The following DZIP3 variants were observed in gnomAD, a reference collection of about 807,000 sequenced individuals.
DZIP3 encodes the protein DAZ interacting zinc finger protein 3.
In DZIP3, 118 loss-of-function variants were observed where a neutral mutation model predicts 162.0. The observed-to-expected ratio is 0.73, with a 90% confidence interval of 0.63 to 0.85. The LOEUF is 0.85. DZIP3 is among the 40% of genes least tolerant of loss of function. The pLI, the probability that DZIP3 is intolerant of heterozygous loss-of-function variation, is 0.00. For synonymous variants in DZIP3, 438 were observed against 458.6 expected (o/e 0.96, Z 0.57); for missense variants, 1,331 against 1,407.0 (o/e 0.95, Z 0.86).
chr3:108,673,488 T>G (rs1175928739), intron 23 of DZIP3, among the ~76,000 whole-genome samples: 1 of 152,000 alleles, frequency 6.6e-6, no homozygotes, highest in East Asian at 1.9e-4. Flanking sequence ...TAATACTTAA[T>G]GCTGTCCAAC....
At chr3:108,672,493 C>T (rs1215951809) in intron 22 of DZIP3, 67 bp from the exon 23 acceptor site, 2 of 1,295,556 alleles carry the variant, frequency 1.5e-6, no homozygotes, top group Non-Finnish European at 2.2e-6. Context: ...CTTTCTTCCT[C>T]CTGAATTAGA....
intron 28 of DZIP3, 53 bp from the exon 29 acceptor site, chr3:108,687,923 A>G (rs527648666): frequency 2.9e-5 from 47 of 1,610,338 alleles, no homozygotes; most frequent in Non-Finnish European, 3.9e-5. Context: ...GTACATCCTC[A>G]AAGGTACTAA....
At position 108,632,865 on chromosome 3, in the gene DZIP3, T is replaced by C. The variant is rs201156049; in HGVS notation, c.697-88T>C. On this transcript the variant is annotated intron_variant, in intron 8 of 32. Transcript: ENST00000361582. Reference sequence around the variant, plus strand: ...CGAAAAGGGATATGATATGGACATATTACCAAGGTAAAACATGGGTAGTCT... The same window carrying C: ...CGAAAAGGGATATGATATGGACATACTACCAAGGTAAAACATGGGTAGTCT... 1.4e-5 allele frequency: 10 copies of C among 733,558 alleles called. No homozygotes were observed. The East Asian group carries it at 2.1e-4, about 15-fold the overall frequency. The allele number at this position is 733,558 out of a possible 1,614,324, so 45.4% of individuals were successfully genotyped here.
At chr3:108,605,503 C>T (rs191080237) in intron 2 of DZIP3, 65 bp downstream of exon 2, 143 of 1,536,886 alleles carry the variant, frequency 9.3e-5, no homozygotes, top group Non-Finnish European at 1.1e-4. Flanking sequence ...AATTTTTCCA[C>T]GGATGGTGGG....
chr3:108,637,402 CATT>C, intron 11 of DZIP3, 91 bp from the exon 12 acceptor site: 1 of 1,106,474 alleles, frequency 9.0e-7, no homozygotes, highest in Non-Finnish European at 1.4e-6. Context: ...GCTTCACTCT[CATT>C]GTATGTTTCA....
At chr3:108,657,557 G>C (rs535147588) in intron 19 of DZIP3, among the ~76,000 whole-genome samples, 1 of 152,090 alleles carries the variant, frequency 6.6e-6, no homozygotes, top group African/African-American at 2.4e-5. Flanking sequence ...AAAGACCATC[G>C]AGGCTAGGAA....
chr3:108,673,991 T>A, intron 23 of DZIP3, 87 bp from the exon 24 acceptor site: 1 of 1,059,306 alleles, frequency 9.4e-7, no homozygotes, highest in Non-Finnish European at 1.4e-6. Flanking sequence ...GAGAAATAGC[T>A]TTAAATTTAC....
intron 10 of DZIP3, 52 bp downstream of exon 10, chr3:108,635,024 C>T: frequency 1.9e-6 from 2 of 1,064,784 alleles, no homozygotes; most frequent in Non-Finnish European, 2.8e-6. Flanking sequence ...CTACCCTTTC[C>T]TCTTTTGTTC....
intron 19 of DZIP3, 104 bp downstream of exon 19, chr3:108,654,414 T>G (rs768007419): frequency 1.6e-6 from 2 of 1,253,988 alleles, no homozygotes; most frequent in Non-Finnish European, 1.2e-6. Context: ...TGGTTTATAC[T>G]GTTTGTGAGG....
intron 1 of DZIP3, chr3:108,602,721 A>G (rs1261946723): frequency 6.6e-6 from 1 of 152,150 alleles, no homozygotes; most frequent in Non-Finnish European, 1.5e-5. Flanking sequence ...CAGTGGTGAC[A>G]TTTCAGGCTG....
At chr3:108,591,298 T>C (rs1267821558) in intron 1 of DZIP3, among the ~76,000 whole-genome samples, 1 of 152,134 alleles carries the variant, frequency 6.6e-6, no homozygotes, top group Non-Finnish European at 1.5e-5. Context: ...AAAAATGAAT[T>C]AATGTAAAGT....
chr3:108,634,422 G>A (rs540452553), intron 9 of DZIP3, among the ~76,000 whole-genome samples: 3 of 152,068 alleles, frequency 2.0e-5, no homozygotes, highest in Non-Finnish European at 2.9e-5. Context: ...CTATACCCTC[G>A]GATTATGCAG....
chr3:108,661,822 A>C lies in DZIP3; in HGVS notation c.2200-55A>C, dbSNP rs1576437610. On this transcript the variant is annotated intron_variant, in intron 19 of 32. Coordinates refer to ENST00000361582, the MANE Select transcript of DZIP3 (RefSeq NM_014648.4). ...TGGCAACTTTAAATCCCTTTCAAAT[A>C]ACTAAAATTTTTTTTTGAGGAAAAT... The C allele has an allele frequency of 3.4e-6, 5 of 1,460,372 alleles. No individual in the cohort carries two copies. In the East Asian group the frequency reaches 1.1e-4, roughly 33 times the overall value. The allele number at this position is 1,460,372 out of a possible 1,614,324, so 90.5% of individuals were successfully genotyped here.
At chr3:108,659,985 AAG>A (rs1299676999) in intron 19 of DZIP3, among the ~76,000 whole-genome samples, 2 of 152,112 alleles carry the variant, frequency 1.3e-5, no homozygotes, top group East Asian at 3.8e-4. Context: ...AACAAAATAA[AAG>A]AGGATACAAA....
chr3:108,689,882 T>C lies in DZIP3; in HGVS notation c.3517-905T>C, dbSNP rs963500769. Among the ~76,000 whole-genome samples, 13 of 152,232 alleles carry C rather than the reference T, an allele frequency of 8.5e-5. 1 individual carries two copies. The highest frequency in any genetic ancestry group is 6.5e-4 in the Admixed American group (10 of 15,280). Reference sequence around the variant, plus strand: ...AAGAAAGGCTTTTCAGGGAAGTAAATAATAGCCAGTTCAGTCAAGCCATGT... The same window carrying C: ...AAGAAAGGCTTTTCAGGGAAGTAAACAATAGCCAGTTCAGTCAAGCCATGT... On this transcript the variant is annotated intron_variant, in intron 31 of 32. Coordinates refer to ENST00000361582, the MANE Select transcript of DZIP3 (RefSeq NM_014648.4).
chr3:108,658,177 C>T (rs373794413), intron 19 of DZIP3, among the ~76,000 whole-genome samples: 2 of 152,162 alleles, frequency 1.3e-5, no homozygotes, highest in Non-Finnish European at 2.9e-5. Flanking sequence ...CCCAAATCAA[C>T]AGAATATACA....
At chr3:108,601,613 C>T (rs1009142092) in intron 1 of DZIP3, among the ~76,000 whole-genome samples, 7 of 152,114 alleles carry the variant, frequency 4.6e-5, no homozygotes, top group African/African-American at 9.7e-5. Flanking sequence ...GGGAAATTCA[C>T]GGGACATCCA....
intron 12 of DZIP3, among the ~76,000 whole-genome samples, chr3:108,638,583 C>T (rs970645829): frequency 6.6e-6 from 1 of 152,172 alleles, no homozygotes; most frequent in African/African-American, 2.4e-5. Flanking sequence ...TCCCAAAGTG[C>T]TGGGATTACA....
rs754415785 is a variant in DZIP3, at chr3:108,662,145, TTGAGAACAG to T, written c.2315_2323del (p.Arg772_Val774del). Reference sequence around the variant, plus strand: ...TATTGATCAGGATTTCAAAAGACAGTTGAGAACAGTGACTTTTCGGTGGCAAGAAAACCA... The same window carrying T: ...TATTGATCAGGATTTCAAAAGACAGTTGACTTTTCGGTGGCAAGAAAACCA... On this transcript the variant is annotated inframe_deletion, in exon 21 of 33. Coordinates refer to ENST00000361582, the MANE Select transcript of DZIP3 (RefSeq NM_014648.4). 3 of 1,604,056 alleles carry T rather than the reference TTGAGAACAG, an allele frequency of 1.9e-6. No homozygotes were observed. In the African/African-American group the frequency reaches 4.0e-5, roughly 22 times the overall value.
Sources: gnomAD v4.1 joint callset for allele counts (sites outside exome capture counted in the v4.1 genomes callset) on GRCh38, gnomAD v4.1.1 for gene constraint, MANE v1.5 for transcripts, NCBI Gene and HGNC (gene_info 2026-07-23, HGNC 2026-07-21) for gene names.